GLDC: variants seen among roughly 807,000 people sequenced by gnomAD.
GLDC encodes the protein glycine dehydrogenase (decarboxylating), mitochondrial.
In GLDC, 104 loss-of-function variants were observed where a neutral mutation model predicts 121.3. The ratio of observed to expected loss-of-function variants is 0.86; its 90% CI spans 0.73 to 1.01. The LOEUF (loss-of-function observed/expected upper bound fraction) is 1.01, where lower values mean the gene tolerates loss of function less well. Ranked by LOEUF, GLDC falls within the 50% of genes least tolerant of loss-of-function variation. GLDC has a pLI of 0.00. For missense variants in GLDC, 1,429 were observed against 1,306.6 expected, an observed-to-expected ratio of 1.09 and a Z score of -1.44; for synonymous variants, 546 against 480.6, an observed-to-expected ratio of 1.14 and a Z score of -1.78.
Position 6,604,754 on chromosome 9 carries a change from C to G in GLDC, c.892G>C (p.Ala298Pro), listed in dbSNP as rs778601135. 1.9e-6 allele frequency: 3 copies of G among 1,614,106 alleles called. No individual in the cohort carries two copies. Among genetic ancestry groups the G allele is most frequent in the South Asian group, 1.1e-5 (1 of 91,074 alleles). Residue 298 changes from alanine (A) to proline (P), a missense_variant, in exon 7 of 25, where the codon GCT (alanine) becomes CCT (proline). Coordinates refer to ENST00000321612, the MANE Select transcript of GLDC (RefSeq NM_000170.3). ...SLACCATDLL[A>P]LCILRPPGEF... ...CCAGGTGGCCTCAAGATGCACAAAG[C>G]TAAAAGGTCAGTAGCACAGCAGGCC...
intron 2 of GLDC, among the ~76,000 whole-genome samples, chr9:6,623,927 G>T (rs1460787635): frequency 1.3e-5 from 2 of 152,206 alleles, no homozygotes; most frequent in Non-Finnish European, 2.9e-5. Context: ...TTGTAGGCGA[G>T]TCCGGCTTCA....
intron 15 of GLDC, among the ~76,000 whole-genome samples, chr9:6,583,644 C>G (rs1389643834): frequency 6.6e-6 from 1 of 152,092 alleles, no homozygotes; most frequent in African/African-American, 2.4e-5. Context: ...CTACTGCACT[C>G]CAGCCTGAGC....
chr9:6,645,521 C>G lies in GLDC; in HGVS notation c.-22G>C. On this transcript the variant is annotated 5_prime_UTR_variant, in exon 1 of 25. Transcript: ENST00000321612. Reference sequence around the variant, plus strand: ...GCATGGCCGCGGCCACCGTCCCCTGCCCCGGCCCGCAAGGGTCAGCCGCGC... The same window carrying G: ...GCATGGCCGCGGCCACCGTCCCCTGGCCCGGCCCGCAAGGGTCAGCCGCGC... 1.5e-6 allele frequency: 2 copies of G among 1,311,628 alleles called. No individual in the cohort carries two copies. Among genetic ancestry groups the G allele is most frequent in the Non-Finnish European group, 2.0e-6 (2 of 1,023,056 alleles). The allele number at this position is 1,311,628 out of a possible 1,614,324, so 81.2% of individuals were successfully genotyped here.
chr9:6,601,285 C>T (rs974365730), intron 8 of GLDC, among the ~76,000 whole-genome samples: 1 of 152,200 alleles, frequency 6.6e-6, no homozygotes, highest in Non-Finnish European at 1.5e-5. Context: ...CCTTCCTCAA[C>T]CCATTCCTGG....
At chr9:6,550,188 C>T (rs2129702861) in intron 21 of GLDC, among the ~76,000 whole-genome samples, 1 of 152,362 alleles carries the variant, frequency 6.6e-6, no homozygotes, top group Admixed American at 6.5e-5. Flanking sequence ...TCTTTCAAGG[C>T]ATATCATAGC....
rs1436719669 is a variant in GLDC at position 6,604,778 on chromosome 9, C to T, written c.868G>A (p.Ala290Thr). 1.9e-6 allele frequency: 3 copies of T among 1,613,418 alleles called. No individual in the cohort carries two copies. Among genetic ancestry groups the T allele is most frequent in the Non-Finnish European group, 2.5e-6 (3 of 1,179,334 alleles). ...GCTAAAAGGTCAGTAGCACAGCAGG[C>T]CAGGCTCTAGAAAGGAAGTGAGAGA... ...VERAHQSGSL[A>T]CCATDLLALC... Residue 290 changes from alanine (A) to threonine (T), a missense_variant, in exon 7 of 25, where the codon GCC (alanine) becomes ACC (threonine). Coordinates refer to ENST00000321612, the MANE Select transcript of GLDC (RefSeq NM_000170.3).
intron 16 of GLDC, among the ~76,000 whole-genome samples, chr9:6,564,278 C>G (rs957075941): frequency 6.6e-6 from 1 of 151,736 alleles, no homozygotes; most frequent in Non-Finnish European, 1.5e-5. Flanking sequence ...ATTCCCCAAC[C>G]AAGATGAAAG....
chr9:6,559,189 G>C (rs979887038), intron 16 of GLDC, among the ~76,000 whole-genome samples: 5 of 152,208 alleles, frequency 3.3e-5, no homozygotes, highest in African/African-American at 1.2e-4. Flanking sequence ...TAAATTATTA[G>C]TTTCTATAAG....
At chr9:6,595,150 T>A (rs1245011653) in intron 8 of GLDC, 31 bp from the exon 9 acceptor site, 2 of 1,397,384 alleles carry the variant, frequency 1.4e-6, no homozygotes, top group African/African-American at 2.8e-5. Flanking sequence ...AAGAATCACG[T>A]GATGGAGGAC....
At chr9:6,640,115 C>T (rs1819598664) in intron 2 of GLDC, among the ~76,000 whole-genome samples, 1 of 152,170 alleles carries the variant, frequency 6.6e-6, no homozygotes, top group Non-Finnish European at 1.5e-5. Context: ...CTTTTTTCCA[C>T]AATAAAGCTT....
intron 3 of GLDC, among the ~76,000 whole-genome samples, chr9:6,618,908 C>A (rs1216995608): frequency 6.6e-6 from 1 of 151,802 alleles, no homozygotes; most frequent in Non-Finnish European, 1.5e-5. Context: ...CTCTGGGAGG[C>A]CAAGGCGGGT....
At chr9:6,543,130 G>T (rs775358412) in intron 21 of GLDC, among the ~76,000 whole-genome samples, 1 of 151,702 alleles carries the variant, frequency 6.6e-6, no homozygotes, top group Non-Finnish European at 1.5e-5. Context: ...TTAAAAATTA[G>T]CCAGGTGTGT....
chr9:6,641,986 T>C (rs1015026278), intron 2 of GLDC, among the ~76,000 whole-genome samples: 2 of 152,202 alleles, frequency 1.3e-5, no homozygotes, highest in African/African-American at 4.8e-5. Context: ...TGCACCAATT[T>C]GCTCTCCCCA....
chr9:6,619,126 G>C (rs10815454), intron 3 of GLDC, among the ~76,000 whole-genome samples: 28,716 of 123,788 alleles, frequency 0.23, 3,352 homozygotes, highest in East Asian at 0.47. Flanking sequence ...CTGGGCAACA[G>C]AGTGAGACTC....
intron 15 of GLDC, among the ~76,000 whole-genome samples, chr9:6,579,980 G>A (rs1818143739): frequency 6.6e-6 from 1 of 152,186 alleles, no homozygotes. Context: ...TCTGTTGGGG[G>A]CAGTGGGAGC....
At chr9:6,605,499 G>C in intron 5 of GLDC, 1 of 596,934 alleles carries the variant, frequency 1.7e-6, no homozygotes, top group Non-Finnish European at 3.1e-6. Flanking sequence ...TCTATCCTCT[G>C]ACTCCCCTTT....
At chr9:6,632,680 G>A (rs752196767) in intron 2 of GLDC, among the ~76,000 whole-genome samples, 1 of 152,198 alleles carries the variant, frequency 6.6e-6, no homozygotes, top group Non-Finnish European at 1.5e-5. Flanking sequence ...CACGCGCCCC[G>A]GTTCAGCCCG....
intron 8 of GLDC, among the ~76,000 whole-genome samples, chr9:6,595,788 C>G (rs1474375493): frequency 6.6e-6 from 1 of 152,124 alleles, no homozygotes; most frequent in Non-Finnish European, 1.5e-5. Flanking sequence ...ATGATTGCGC[C>G]ACTGGACTCC....
chr9:6,629,339 C>G (rs917284352), intron 2 of GLDC, among the ~76,000 whole-genome samples: 2 of 151,554 alleles, frequency 1.3e-5, no homozygotes, highest in African/African-American at 4.9e-5. Context: ...CTCAGCCTCC[C>G]GAGTAGCTGG....
Sources: allele counts gnomAD v4.1 joint callset (sites outside exome capture counted in the v4.1 genomes callset), GRCh38; gene constraint gnomAD v4.1.1; transcripts MANE v1.5; gene names NCBI Gene and HGNC (gene_info 2026-07-23, HGNC 2026-07-21).